The following TIMELESS variants were observed in gnomAD, a reference collection of about 807,000 sequenced individuals.
TIMELESS encodes the protein timeless circadian regulator.
Under a neutral mutation model 164.3 loss-of-function variants are expected in TIMELESS, and 124 were observed. The observed-to-expected ratio is 0.75, with a 90% CI of 0.65 to 0.88. The LOEUF (loss-of-function observed/expected upper bound fraction) is 0.88. Among genes scored for constraint, TIMELESS ranks in the 40% least tolerant of loss-of-function variants. The pLI, the probability that TIMELESS is intolerant of heterozygous loss-of-function variation, is 0.00. For missense variants in TIMELESS, 1,422 were observed against 1,491.4 expected (o/e 0.95, Z 0.77); for synonymous variants, 564 against 563.4 (o/e 1.00, Z -0.02).
At chr12:56,445,739 A>G (rs1358764256) in intron 1 of TIMELESS, among the ~76,000 whole-genome samples, 2 of 152,084 alleles carry the variant, frequency 1.3e-5, no homozygotes, top group Non-Finnish European at 2.9e-5. Context: ...TCAAAAAAAA[A>G]AAAAAGAAAC....
intron 5 of TIMELESS, 109 bp from the exon 6 acceptor site, chr12:56,433,236 T>C (rs1318317779): frequency 7.1e-7 from 1 of 1,408,248 alleles, no homozygotes; most frequent in Non-Finnish European, 1.0e-6. Context: ...AAGAAAGAGT[T>C]CAAACAGTAC....
chr12:56,439,076 G>A (rs1052421229), intron 1 of TIMELESS, among the ~76,000 whole-genome samples: 6 of 147,706 alleles, frequency 4.1e-5, no homozygotes, highest in Non-Finnish European at 7.4e-5. Flanking sequence ...TGAGGCAGGA[G>A]AATCGCTTGA....
At chr12:56,419,930 C>A (rs1320697646) in intron 26 of TIMELESS, among the ~76,000 whole-genome samples, 2 of 131,456 alleles carry the variant, frequency 1.5e-5, no homozygotes, top group African/African-American at 5.8e-5. Context: ...TCACCTGAGT[C>A]TGGGAGGTTG....
Position 56,428,376 on chromosome 12 carries a change from C to T in TIMELESS, c.1438G>A (p.Glu480Lys), listed in dbSNP as rs1403322178. Reference sequence around the variant, plus strand: ...TTTCGAAAAAGTGCCAGGAATAGTTCTCGGTACTCCATCACATAGAAAATA... The same window carrying T: ...TTTCGAAAAAGTGCCAGGAATAGTTTTCGGTACTCCATCACATAGAAAATA... ...NNIFYVMEYR[E>K]LFLALFRKFD... Residue 480 changes from glutamate to lysine, a missense_variant, in exon 13 of 29, where the codon GAA (glutamate) becomes AAA (lysine). Glu to Lys is a moderately conservative substitution (Grantham distance 56, BLOSUM62 1). Transcript: ENST00000553532. The T allele has an allele frequency of 6.2e-7, 1 of 1,612,090 alleles. No individual in the cohort carries two copies. The highest frequency in any genetic ancestry group is 8.5e-7 in the Non-Finnish European group (1 of 1,178,436).
intron 13 of TIMELESS, among the ~76,000 whole-genome samples, chr12:56,425,503 G>A (rs943373991): frequency 6.6e-6 from 1 of 152,214 alleles, no homozygotes; most frequent in Middle Eastern, 3.2e-3. Context: ...CAGATGCTAT[G>A]AGGATCAAAT....
Position 56,421,432 on chromosome 12 carries a change from A to G in TIMELESS, c.2787T>C (p.Asp929=), listed in dbSNP as rs1881482256. 5 of 1,614,038 alleles carry G rather than the reference A, an allele frequency of 3.1e-6. No homozygotes were observed. In the East Asian group the frequency reaches 1.1e-4, roughly 36 times the overall value. ...CCACCAGCCCCAGAGCCAAGAGTTTATCCACTATTCGGGCCCGTGAGCGTT... is the reference window on the plus strand; with the variant it reads ...CCACCAGCCCCAGAGCCAAGAGTTTGTCCACTATTCGGGCCCGTGAGCGTT... ...TAKRSRARIV[D]KLLALGLVAE... The change falls in exon 23 of 29, where the codon GAT becomes GAC. Residue 929 remains aspartate, a synonymous_variant. Transcript: ENST00000553532.
At chr12:56,417,877 A>C in intron 28 of TIMELESS, 30 bp downstream of exon 28, 1 of 1,614,024 alleles carries the variant, frequency 6.2e-7, no homozygotes, top group Non-Finnish European at 8.5e-7. Context: ...GGATTAGAGA[A>C]GAAAAAGAAG....
chr12:56,436,581 T>G (rs1259177539), intron 1 of TIMELESS, among the ~76,000 whole-genome samples: 1 of 152,178 alleles, frequency 6.6e-6, no homozygotes, highest in Non-Finnish European at 1.5e-5. Flanking sequence ...AGAGTCAAGT[T>G]ATGAGAGCAA....
chr12:56,425,277 G>C (rs1029468480), intron 13 of TIMELESS, 125 bp from the exon 14 acceptor site: 84 of 1,195,942 alleles, frequency 7.0e-5, no homozygotes, highest in Non-Finnish European at 9.1e-6. Flanking sequence ...GCTATCCATC[G>C]GTAATAGAAA....
chr12:56,439,167 C>CAAAAAAAAAAAAAAAAAAAAAAAAA lies in TIMELESS; in HGVS notation c.-61-4961_-61-4937dup, dbSNP rs57127557. On this transcript the variant is annotated intron_variant, in intron 1 of 28. Coordinates refer to ENST00000553532, the MANE Select transcript of TIMELESS (RefSeq NM_003920.5). ...GGCACCAAGAGTGAAAACTCCTTCTCAAAAAAAAAAAAAAAAAAAAAAAAA... is the reference window on the plus strand; with the variant it reads ...GGCACCAAGAGTGAAAACTCCTTCTCAAAAAAAAAAAAAAAAAAAAAAAAAAAAAAAAAAAAAAAAAAAAAAAAAA... 2.3e-5 allele frequency among the ~76,000 whole-genome samples: 2 copies of CAAAAAAAAAAAAAAAAAAAAAAAAA among 85,640 alleles called. 1 individual carries two copies. The allele number at this position is 85,640 out of a possible 152,430, so 56.2% of individuals were successfully genotyped here.
intron 12 of TIMELESS, 47 bp from the exon 13 acceptor site, chr12:56,428,452 T>C (rs764958872): frequency 6.8e-5 from 109 of 1,606,306 alleles, no homozygotes; most frequent in Admixed American, 1.5e-4. Context: ...TCTGGAAAGC[T>C]TGAAAAGGAG....
In TIMELESS at chr12:56,417,111, G is replaced by A. The variant is rs66523847; in HGVS notation, c.*605C>T. 0.013 allele frequency: 2,052 copies of A among 153,104 alleles called. 47 individuals carry two copies. Among genetic ancestry groups the A allele is most frequent in the African/African-American group, 0.047 (1,953 of 41,540 alleles). The allele number at this position is 153,104 out of a possible 1,614,324, so 9.5% of individuals were successfully genotyped here. ...CTGGGGAACTTAGACATATCGCCAA[G>A]TCAGACTGAGATGAGAACTTCTAAT... On this transcript the variant is annotated 3_prime_UTR_variant, in exon 29 of 29. Coordinates refer to ENST00000553532, the MANE Select transcript of TIMELESS (RefSeq NM_003920.5).
intron 1 of TIMELESS, among the ~76,000 whole-genome samples, chr12:56,434,970 T>C (rs1002974697): frequency 7.2e-5 from 11 of 152,102 alleles, no homozygotes; most frequent in African/African-American, 2.7e-4. Flanking sequence ...TGCGCCTAGG[T>C]GTTTGAGGTT....
chr12:56,430,904 T>C lies in TIMELESS; in HGVS notation c.886A>G (p.Ile296Val), dbSNP rs992209991. Reference protein sequence around the residue: ...GLKSIGERDLIFHKGLHNLRN... With the variant: ...GLKSIGERDLVFHKGLHNLRN... ...ACGTTGTGAAGGCCTTTGTGAAAGA[T>C]GAGGTCCCTCTCCCCAATGGATTTC... Residue 296 changes from isoleucine (I) to valine (V), a missense_variant, in exon 9 of 29, where the codon ATC becomes GTC. Physicochemically the swap from Ile to Val is conservative, Grantham distance 29 (BLOSUM62 3). Coordinates refer to ENST00000553532, the MANE Select transcript of TIMELESS (RefSeq NM_003920.5). 3 of 1,604,592 alleles carry C rather than the reference T, an allele frequency of 1.9e-6. No homozygotes were observed. Among genetic ancestry groups the C allele is most frequent in the Non-Finnish European group, 2.6e-6 (3 of 1,175,836 alleles).
chr12:56,431,676 T>C (rs1881889564), intron 7 of TIMELESS, 72 bp from the exon 8 acceptor site: 1 of 1,545,944 alleles, frequency 6.5e-7, no homozygotes, highest in African/African-American at 1.4e-5. Context: ...CTACTGGGGA[T>C]GCAAAGAGTG....
At position 56,421,969 on chromosome 12, in the gene TIMELESS, G is replaced by A. The variant is rs778017589; in HGVS notation, c.2572C>T (p.Arg858Ter). 1.9e-6 allele frequency: 3 copies of A among 1,614,120 alleles called. No homozygotes were observed. The highest frequency in any genetic ancestry group is 1.1e-5 in the South Asian group (1 of 91,076). ...TGGTGGATGATCTGCTTGCGTGTTC[G>A]AGGAACAGTATTCAGGTGGGCCAAG... Reference protein sequence around the residue: ...AILAHLNTVPRTRKQIIHHLV... With the variant: ...AILAHLNTVP The change falls in exon 21 of 29, where the codon CGA becomes TGA. Residue 858 changes from arginine to a stop codon, truncating the protein, a stop_gained. Coordinates refer to ENST00000553532, the MANE Select transcript of TIMELESS (RefSeq NM_003920.5). LOFTEE classifies it high-confidence loss of function.
At chr12:56,430,327 T>C (rs766854539) in intron 9 of TIMELESS, 46 bp from the exon 10 acceptor site, 1 of 1,559,000 alleles carries the variant, frequency 6.4e-7, no homozygotes, top group East Asian at 2.3e-5. Context: ...AAATACCACT[T>C]TCCCCTTGCA....
intron 6 of TIMELESS, 52 bp downstream of exon 6, chr12:56,432,974 A>AAAAAAAAAAG: frequency 2.1e-6 from 2 of 946,720 alleles, no homozygotes; most frequent in Non-Finnish European, 3.1e-6. Context: ...AAAAAAAAAA[A>AAAAAAAAAAG]GGCAGCTCAA....
chr12:56,417,812 G>C (rs753711989), intron 28 of TIMELESS, 26 bp from the exon 29 acceptor site: 2 of 1,614,014 alleles, frequency 1.2e-6, no homozygotes, highest in South Asian at 2.2e-5. Context: ...GGGTGAGAGA[G>C]AGAGAGAATA....
Sources: allele counts gnomAD v4.1 joint callset (sites outside exome capture counted in the v4.1 genomes callset), GRCh38; gene constraint gnomAD v4.1.1; transcripts MANE v1.5; gene names NCBI Gene and HGNC (gene_info 2026-07-23, HGNC 2026-07-21).